Variants in IMMP2L observed in about 807,000 individuals in gnomAD.
The protein encoded by IMMP2L is inner mitochondrial membrane peptidase subunit 2.
In IMMP2L, 18 loss-of-function variants were observed where a neutral mutation model predicts 19.3. The ratio of observed to expected loss-of-function variants is 0.93; its 90% confidence interval spans 0.64 to 1.38. The LOEUF (loss-of-function observed/expected upper bound fraction) is 1.38. IMMP2L is among the 40% of genes most tolerant of loss of function. The probability of loss-of-function intolerance (pLI) is 0.00; values close to 1 mark genes in which losing one functional copy is unlikely to be tolerated. For synonymous variants in IMMP2L, 76 were observed against 73.0 expected, an observed-to-expected ratio of 1.04 and a Z score of -0.21; for missense variants, 233 against 218.2, an observed-to-expected ratio of 1.07 and a Z score of -0.43.
chr7:110,882,606 C>G (rs930484527), intron 5 of IMMP2L, among the ~76,000 whole-genome samples: 12 of 152,064 alleles, frequency 7.9e-5, no homozygotes, highest in African/African-American at 2.7e-4. Flanking sequence ...GTCTCGAACT[C>G]CTGACCTCAG....
At chr7:110,968,646 T>G (rs1053095066) in intron 3 of IMMP2L, among the ~76,000 whole-genome samples, 1 of 152,058 alleles carries the variant, frequency 6.6e-6, no homozygotes, top group Non-Finnish European at 1.5e-5. Context: ...GCACTCCAGC[T>G]TGGGCAACAG....
intron 3 of IMMP2L, among the ~76,000 whole-genome samples, chr7:111,442,622 G>A (rs1043673027): frequency 7.3e-5 from 11 of 151,604 alleles, no homozygotes; most frequent in African/African-American, 1.7e-4. Context: ...AGTGTCAACC[G>A]CAATATGTCT....
intron 3 of IMMP2L, among the ~76,000 whole-genome samples, chr7:111,100,357 T>C (rs1797840510): frequency 6.7e-6 from 1 of 150,082 alleles, no homozygotes; most frequent in African/African-American, 2.4e-5. Context: ...TTTCTACAGT[T>C]TTAAACTTCT....
chr7:110,870,048 C>G lies in IMMP2L; in HGVS notation c.408+16545G>C, dbSNP rs28709655. Among the ~76,000 whole-genome samples the G allele has an allele frequency of 0.038, 5,755 of 152,190 alleles. 357 individuals carry two copies. The highest frequency in any genetic ancestry group is 0.13 in the African/African-American group (5,358 of 41,516). Reference sequence around the variant, plus strand: ...TACCCCTCCTCCTAGTTTCAGCCAGCCTGTTCAGCTGACCTATCACAAAAG... The same window carrying G: ...TACCCCTCCTCCTAGTTTCAGCCAGGCTGTTCAGCTGACCTATCACAAAAG... On this transcript the variant is annotated intron_variant, in intron 5 of 5. Coordinates refer to ENST00000405709, the MANE Select transcript of IMMP2L (RefSeq NM_032549.4). This position sits in a 1 kb window ranked among gnomAD's most constrained non-coding sequence, Gnocchi z 4.2.
intron 5 of IMMP2L, among the ~76,000 whole-genome samples, chr7:110,694,523 T>C (rs1793734315): frequency 6.6e-6 from 1 of 152,198 alleles, no homozygotes; most frequent in Non-Finnish European, 1.5e-5. Flanking sequence ...GTCTAAGTTC[T>C]GACACAAAGG....
Position 110,721,594 on chromosome 7 carries a change from A to G in IMMP2L, c.409-57873T>C, listed in dbSNP as rs1038395139. Reference sequence around the variant, plus strand: ...ACAAACAAAAAAACACAATTCTAAAATATGCTGACTCTGATTTGATTATTT... The same window carrying G: ...ACAAACAAAAAAACACAATTCTAAAGTATGCTGACTCTGATTTGATTATTT... On this transcript the variant is annotated intron_variant, in intron 5 of 5. Coordinates refer to ENST00000405709, the MANE Select transcript of IMMP2L (RefSeq NM_032549.4). Among the ~76,000 whole-genome samples, 5 of 152,256 alleles carry G rather than the reference A, an allele frequency of 3.3e-5. No homozygotes were observed. In the South Asian group the frequency reaches 1.0e-3, roughly 32 times the overall value.
At chr7:110,975,189 G>C (rs932905155) in intron 3 of IMMP2L, among the ~76,000 whole-genome samples, 1 of 152,062 alleles carries the variant, frequency 6.6e-6, no homozygotes, top group African/African-American at 2.4e-5. Context: ...AAAAGGAAAA[G>C]AAAGGAAAGT....
intron 3 of IMMP2L, among the ~76,000 whole-genome samples, chr7:111,436,064 C>T (rs1046935556): frequency 6.6e-6 from 1 of 151,688 alleles, no homozygotes; most frequent in Non-Finnish European, 1.5e-5. Flanking sequence ...AATTAGATGG[C>T]ACTATGTTTG....
intron 5 of IMMP2L, among the ~76,000 whole-genome samples, chr7:110,876,915 A>G (rs1809135676): frequency 6.6e-6 from 1 of 152,152 alleles, no homozygotes; most frequent in Non-Finnish European, 1.5e-5. Flanking sequence ...TCCTATTAAC[A>G]GCCAGACATA....
At chr7:111,180,625 CAG>C (rs1343390989) in intron 3 of IMMP2L, among the ~76,000 whole-genome samples, 19 of 152,126 alleles carry the variant, frequency 1.2e-4, no homozygotes, top group Admixed American at 9.8e-4. Context: ...CTGGTGATGA[CAG>C]ACTTACTCAA....
intron 4 of IMMP2L, among the ~76,000 whole-genome samples, chr7:110,892,093 T>G (rs1382164335): frequency 6.6e-6 from 1 of 152,154 alleles, no homozygotes; most frequent in Non-Finnish European, 1.5e-5. Flanking sequence ...CCACCTCCTG[T>G]TTCTCAACCC....
intron 3 of IMMP2L, among the ~76,000 whole-genome samples, chr7:111,293,389 A>C (rs1183996249): frequency 6.6e-6 from 1 of 151,856 alleles, no homozygotes; most frequent in African/African-American, 2.4e-5. Flanking sequence ...CAAGATGAAA[A>C]TCCTAAGTAG....
At chr7:111,046,121 T>TCAAA (rs1415428215) in intron 3 of IMMP2L, among the ~76,000 whole-genome samples, 4 of 151,334 alleles carry the variant, frequency 2.6e-5, no homozygotes. Flanking sequence ...AAAACATAAT[T>TCAAA]CAAACAAATT....
chr7:110,810,645 C>A (rs370620849), intron 5 of IMMP2L, among the ~76,000 whole-genome samples: 1 of 151,814 alleles, frequency 6.6e-6, no homozygotes, highest in Non-Finnish European at 1.5e-5. Context: ...CTTAGAGTTC[C>A]GATAATGGAA....
chr7:111,316,849 T>TC lies in IMMP2L; in HGVS notation c.239+170388_239+170389insG, dbSNP rs1266307975. On this transcript the variant is annotated intron_variant, in intron 3 of 5. Transcript: ENST00000405709. ...TTGTTGGCTCCTTTTTTTTTTCTTT[T>TC]TTTTTTTTTTTTTTTTTTTGAGATG... Among the ~76,000 whole-genome samples, 1,308 of 131,654 alleles carry TC rather than the reference T, an allele frequency of 9.9e-3. 22 individuals carry two copies. The highest frequency in any genetic ancestry group is 0.036 in the African/African-American group (1,210 of 33,640). The allele number at this position is 131,654 out of a possible 152,430, so 86.4% of individuals were successfully genotyped here. A position where few individuals can be genotyped will look rare whatever the true frequency, so the allele number is the denominator to read the frequency against.
At chr7:111,142,927 A>T (rs1440780219) in intron 3 of IMMP2L, among the ~76,000 whole-genome samples, 1 of 152,164 alleles carries the variant, frequency 6.6e-6, no homozygotes, top group East Asian at 1.9e-4. Context: ...ACAGACAGAA[A>T]GCTTGTGAAT....
At chr7:111,045,003 T>C (rs891989845) in intron 3 of IMMP2L, among the ~76,000 whole-genome samples, 2 of 152,132 alleles carry the variant, frequency 1.3e-5, no homozygotes, top group Admixed American at 1.3e-4. Context: ...GCAGAGAGAA[T>C]ATAAAGATAG....
intron 3 of IMMP2L, among the ~76,000 whole-genome samples, chr7:111,103,473 C>T (rs867157470): frequency 1.1e-4 from 16 of 151,508 alleles, no homozygotes; most frequent in Non-Finnish European, 1.9e-4. Context: ...TGGTAAATAG[C>T]GTGATACATT....
chr7:111,269,138 G>T (rs1402043941), intron 3 of IMMP2L, among the ~76,000 whole-genome samples: 1 of 152,098 alleles, frequency 6.6e-6, no homozygotes, highest in Non-Finnish European at 1.5e-5. Context: ...CAGGGCACTG[G>T]CAGGGCAGAG....
Sources: gnomAD v4.1 joint callset for allele counts (sites outside exome capture counted in the v4.1 genomes callset) on GRCh38, gnomAD v4.1.1 for gene constraint, Gnocchi (gnomAD v3.1) non-coding constraint, MANE v1.5 for transcripts, NCBI Gene and HGNC (gene_info 2026-07-23, HGNC 2026-07-21) for gene names.